BCL2L1: variants seen among roughly 807,000 people sequenced by gnomAD.
BCL2L1 encodes the protein bcl-2-like protein 1.
BCL2L1 carries 1 observed loss-of-function variant against 18.7 expected under a neutral mutation model. The observed-to-expected ratio is 0.05, with a 90% CI of 0.02 to 0.25. The LOEUF is 0.25. Among genes scored for constraint, BCL2L1 ranks in the 10% least tolerant of loss-of-function variants. The probability of loss-of-function intolerance (pLI) is 1.00; values close to 1 mark genes in which losing one functional copy is unlikely to be tolerated. For synonymous variants in BCL2L1, 103 were observed against 122.7 expected (o/e 0.84, Z 1.06); for missense variants, 207 against 304.9 (o/e 0.68, Z 2.39).
chr20:31,723,848 C>T (rs2061674697), upstream of BCL2L1: 3 of 985,358 alleles, frequency 3.0e-6, no homozygotes, highest in Non-Finnish European at 3.6e-6. Context: ...GCCGGCCTAC[C>T]TGGCTGCCGG....
At chr20:31,710,459 C>T (rs1171139445) in intron 2 of BCL2L1, among the ~76,000 whole-genome samples, 1 of 152,204 alleles carries the variant, frequency 6.6e-6, no homozygotes, top group East Asian at 1.9e-4. Flanking sequence ...TTGTACAAAG[C>T]TACGGTGCTG....
At chr20:31,691,818 T>C (rs1186059202) in intron 2 of BCL2L1, among the ~76,000 whole-genome samples, 1 of 152,214 alleles carries the variant, frequency 6.6e-6, no homozygotes, top group East Asian at 1.9e-4. Flanking sequence ...GCCCCACTTG[T>C]AATCTGAGAA....
At chr20:31,668,603 CTTT>C (rs1234488543) in intron 2 of BCL2L1, among the ~76,000 whole-genome samples, 7 of 127,052 alleles carry the variant, frequency 5.5e-5, no homozygotes, top group Admixed American at 8.1e-5. Flanking sequence ...CATATCTGGC[CTTT>C]TTTTTTTTTT....
intron 2 of BCL2L1, among the ~76,000 whole-genome samples, chr20:31,681,349 T>C (rs2060857371): frequency 6.6e-6 from 1 of 152,214 alleles, no homozygotes; most frequent in South Asian, 2.1e-4. Flanking sequence ...TCAGAATTTA[T>C]TTTTTAAAGT....
chr20:31,700,861 T>C (rs2061267038), intron 2 of BCL2L1, among the ~76,000 whole-genome samples: 1 of 152,220 alleles, frequency 6.6e-6, no homozygotes, highest in South Asian at 2.1e-4. Context: ...AAAAGACTCC[T>C]TGAAACAAAG....
At chr20:31,723,814 C>A, upstream of BCL2L1, 9 of 985,478 alleles carry the variant, frequency 9.1e-6, no homozygotes, top group Non-Finnish European at 1.1e-5. Flanking sequence ...CTCTTCGCGG[C>A]CGAGTTCCGC....
chr20:31,716,574 AC>A (rs1484005928), intron 2 of BCL2L1: 1 of 152,216 alleles, frequency 6.6e-6, no homozygotes, highest in Non-Finnish European at 1.5e-5. Flanking sequence ...TTCTGGCTTG[AC>A]AAGGGTCTGT....
At chr20:31,679,096 CCTT>C (rs775426074) in intron 2 of BCL2L1, among the ~76,000 whole-genome samples, 13 of 152,210 alleles carry the variant, frequency 8.5e-5, no homozygotes, top group Non-Finnish European at 4.4e-5. Context: ...GGAGTGGGTT[CCTT>C]CTTGTTTTCT....
intron 2 of BCL2L1, among the ~76,000 whole-genome samples, chr20:31,709,604 C>T (rs1416352604): frequency 6.6e-6 from 1 of 151,894 alleles, no homozygotes; most frequent in Admixed American, 6.6e-5. Context: ...GAGGCTGAGG[C>T]GGGTGGATCA....
intron 2 of BCL2L1, chr20:31,720,981 A>G (rs538893704): frequency 1.4e-4 from 139 of 985,300 alleles, no homozygotes; most frequent in Non-Finnish European, 1.6e-4. Context: ...TCCACAAACA[A>G]GGCAACCATG....
At position 31,665,374 on chromosome 20, in the gene BCL2L1, G is replaced by A. The variant is rs959393524; in HGVS notation, c.*575C>T. ...AGTGAGGACTCTAGCCAGTCCAGAG[G>A]TGAGGAGGGAGTCCTGGTCCTTGCA... On this transcript the variant is annotated 3_prime_UTR_variant, in exon 3 of 3. Coordinates refer to ENST00000307677, the MANE Select transcript of BCL2L1 (RefSeq NM_138578.3). The A allele has an allele frequency of 2.0e-5, 3 of 153,790 alleles. No individual in the cohort carries two copies. Among genetic ancestry groups the A allele is most frequent in the Non-Finnish European group, 4.3e-5 (3 of 69,100 alleles). The allele number at this position is 153,790 out of a possible 1,614,324, so 9.5% of individuals were successfully genotyped here. A position where few individuals can be genotyped will look rare whatever the true frequency, so the allele number is the denominator to read the frequency against.
rs1212926828 is a variant in BCL2L1 at position 31,697,753 on chromosome 20, C to T, written c.564+23902G>A. On this transcript the variant is annotated intron_variant, in intron 2 of 2. Coordinates refer to ENST00000307677, the MANE Select transcript of BCL2L1 (RefSeq NM_138578.3). ...TGCCCGGCCTAACAGGTGACTTTAC[C>T]TCTCAAAGTCTCAGTTTTCTTCTCT... 4.0e-5 allele frequency among the ~76,000 whole-genome samples: 6 copies of T among 151,302 alleles called. No homozygotes were observed. In the South Asian group the frequency reaches 8.3e-4, roughly 21 times the overall value.
intron 2 of BCL2L1, among the ~76,000 whole-genome samples, chr20:31,717,406 G>A (rs2061553392): frequency 2.6e-5 from 4 of 152,148 alleles, no homozygotes; most frequent in South Asian, 2.1e-4. Context: ...AAAAATACCC[G>A]GGTAATTTTC....
chr20:31,698,394 C>T (rs550005419), intron 2 of BCL2L1, among the ~76,000 whole-genome samples: 22 of 152,046 alleles, frequency 1.4e-4, no homozygotes, highest in Admixed American at 9.8e-4. Context: ...TGGCATGTGC[C>T]ACCATGCCTG....
intron 2 of BCL2L1, among the ~76,000 whole-genome samples, chr20:31,704,929 T>C (rs112412383): frequency 1.1e-3 from 162 of 152,356 alleles, no homozygotes; most frequent in Middle Eastern, 3.4e-3. Context: ...AGTATTATGT[T>C]GGTCTCTGGG....
intron 2 of BCL2L1, among the ~76,000 whole-genome samples, chr20:31,695,618 G>C (rs2061154175): frequency 1.3e-5 from 2 of 152,166 alleles, no homozygotes; most frequent in African/African-American, 2.4e-5. Flanking sequence ...CTACAGACAT[G>C]CACCACTATG....
chr20:31,672,704 G>A (rs2060690391), intron 2 of BCL2L1, among the ~76,000 whole-genome samples: 2 of 152,202 alleles, frequency 1.3e-5, no homozygotes, highest in Admixed American at 1.3e-4. Context: ...TCACCTTGTA[G>A]GTGCCTGTGA....
chr20:31,701,906 C>T lies in BCL2L1; in HGVS notation c.564+19749G>A, dbSNP rs970430736. On this transcript the variant is annotated intron_variant, in intron 2 of 2. Coordinates refer to ENST00000307677, the MANE Select transcript of BCL2L1 (RefSeq NM_138578.3). Reference sequence around the variant, plus strand: ...ACTACCTGCAAAGAACAGCTGCAGACACTGGAGATACAATGATGAACAAAC... The same window carrying T: ...ACTACCTGCAAAGAACAGCTGCAGATACTGGAGATACAATGATGAACAAAC... Among the ~76,000 whole-genome samples, 3 of 152,184 alleles carry T rather than the reference C, an allele frequency of 2.0e-5. No homozygotes were observed. In the South Asian group the frequency reaches 6.2e-4, roughly 32 times the overall value.
At chr20:31,683,975 CACTG>C (rs2060912115) in intron 2 of BCL2L1, among the ~76,000 whole-genome samples, 1 of 152,106 alleles carries the variant, frequency 6.6e-6, no homozygotes, top group South Asian at 2.1e-4. Flanking sequence ...ACATAAAATA[CACTG>C]ACTATTAAAA....
Sources: gnomAD v4.1 joint callset for allele counts (sites outside exome capture counted in the v4.1 genomes callset) on GRCh38, gnomAD v4.1.1 for gene constraint, MANE v1.5 for transcripts, NCBI Gene and HGNC (gene_info 2026-07-23, HGNC 2026-07-21) for gene names.